The following PTPRD variants were observed in gnomAD, a reference collection of about 807,000 sequenced individuals.
PTPRD encodes receptor-type tyrosine-protein phosphatase delta.
Under a neutral mutation model 214.5 loss-of-function variants are expected in PTPRD, and 34 were observed. That is an observed-to-expected ratio of 0.16 (90% CI 0.12 to 0.21). PTPRD has a LOEUF of 0.21. PTPRD is among the 10% of genes least tolerant of loss of function. The pLI, the probability that PTPRD is intolerant of heterozygous loss-of-function variation, is 1.00. For missense variants in PTPRD, 2,545 were observed against 2,398.7 expected, an observed-to-expected ratio of 1.06 and a Z score of -1.27; for synonymous variants, 1,128 against 845.7, an observed-to-expected ratio of 1.33 and a Z score of -5.79.
At chr9:10,116,715 C>A (rs1324147286) in intron 3 of PTPRD, among the ~76,000 whole-genome samples, 1 of 152,068 alleles carries the variant, frequency 6.6e-6, no homozygotes, top group East Asian at 1.9e-4. Flanking sequence ...CACTGCACTC[C>A]TGAAAACCCT....
chr9:9,341,000 G>A (rs1188337589), intron 9 of PTPRD, among the ~76,000 whole-genome samples: 1 of 152,088 alleles, frequency 6.6e-6, no homozygotes, highest in Non-Finnish European at 1.5e-5. Flanking sequence ...AATGTGGTAT[G>A]TATACAAAAG....
intron 9 of PTPRD, among the ~76,000 whole-genome samples, chr9:9,364,197 T>C (rs1026393590): frequency 1.5e-4 from 23 of 151,410 alleles, no homozygotes; most frequent in African/African-American, 2.4e-5. Context: ...TTCTCTGTTG[T>C]GGAATTAGCT....
intron 5 of PTPRD, among the ~76,000 whole-genome samples, chr9:9,931,655 C>A (rs542351479): frequency 6.6e-6 from 1 of 151,314 alleles, no homozygotes; most frequent in African/African-American, 2.4e-5. Context: ...GGGGGAGGGG[C>A]GCCCACCATT....
chr9:8,415,929 A>G (rs1359130945), intron 35 of PTPRD, among the ~76,000 whole-genome samples: 1 of 152,106 alleles, frequency 6.6e-6, no homozygotes, highest in Non-Finnish European at 1.5e-5. Flanking sequence ...ATATCAAGGT[A>G]TTCTCAAGGT....
At chr9:9,151,940 G>C (rs2099877152) in intron 10 of PTPRD, among the ~76,000 whole-genome samples, 1 of 152,220 alleles carries the variant, frequency 6.6e-6, no homozygotes, top group African/African-American at 2.4e-5. Flanking sequence ...ACCTGTGAGA[G>C]TAACTTTTTC....
chr9:10,193,405 A>G (rs1195321476), intron 3 of PTPRD, among the ~76,000 whole-genome samples: 2 of 152,116 alleles, frequency 1.3e-5, no homozygotes, highest in African/African-American at 2.4e-5. Context: ...AGTAGGATCT[A>G]GTAAAGAAGT....
intron 2 of PTPRD, among the ~76,000 whole-genome samples, chr9:10,481,825 A>C (rs1319728198): frequency 1.3e-5 from 2 of 152,204 alleles, no homozygotes; most frequent in African/African-American, 4.8e-5. Context: ...GTGTAACTAC[A>C]TATATTTTCT....
Position 10,379,543 on chromosome 9 carries a change from A to C in PTPRD, c.-599-38526T>G, listed in dbSNP as rs996710444. Among the ~76,000 whole-genome samples the C allele has an allele frequency of 6.8e-4, 104 of 152,012 alleles. 2 individuals carry two copies. The highest frequency in any genetic ancestry group is 1.2e-4 in the Non-Finnish European group (8 of 67,966). ...CATATGAATTTTTCAACATCATGCA[A>C]ATACTCCAACATTTAAATATACTAT... On this transcript the variant is annotated intron_variant, in intron 2 of 45. Coordinates refer to ENST00000381196, the MANE Select transcript of PTPRD (RefSeq NM_002839.4).
chr9:8,759,644 C>G (rs1219413795), intron 11 of PTPRD, among the ~76,000 whole-genome samples: 1 of 136,900 alleles, frequency 7.3e-6, no homozygotes, highest in African/African-American at 3.0e-5. Flanking sequence ...CCTCATCAAT[C>G]TTCTTTTCCT....
chr9:9,673,519 G>A (rs1298082747), intron 7 of PTPRD, among the ~76,000 whole-genome samples: 2 of 151,610 alleles, frequency 1.3e-5, no homozygotes, highest in Non-Finnish European at 3.0e-5. Flanking sequence ...ATAGCAAACT[G>A]GGAAATATTT....
At chr9:8,928,916 A>T (rs936566907) in intron 11 of PTPRD, among the ~76,000 whole-genome samples, 13 of 152,066 alleles carry the variant, frequency 8.5e-5, no homozygotes, top group African/African-American at 3.1e-4. Context: ...CATCCCTCGT[A>T]AGTTGTATTC....
At chr9:9,201,895 C>T (rs1391434742) in intron 9 of PTPRD, among the ~76,000 whole-genome samples, 1 of 152,114 alleles carries the variant, frequency 6.6e-6, no homozygotes, top group Non-Finnish European at 1.5e-5. Context: ...CAGCAAAAAG[C>T]CCATAGTGAA....
intron 10 of PTPRD, among the ~76,000 whole-genome samples, chr9:9,106,811 C>T (rs1295380061): frequency 6.6e-6 from 1 of 151,992 alleles, no homozygotes; most frequent in African/African-American, 2.4e-5. Flanking sequence ...CCTTATCCAC[C>T]TCCATGGATT....
intron 3 of PTPRD, among the ~76,000 whole-genome samples, chr9:10,186,221 G>T (rs1180270030): frequency 6.6e-6 from 1 of 151,950 alleles, no homozygotes; most frequent in Admixed American, 6.5e-5. Flanking sequence ...CTCAACCTGA[G>T]AGTCAATTAT....
At chr9:10,598,135 A>C (rs1432205175) in intron 2 of PTPRD, among the ~76,000 whole-genome samples, 1 of 143,572 alleles carries the variant, frequency 7.0e-6, no homozygotes, top group African/African-American at 2.5e-5. Flanking sequence ...TAAATGTAGA[A>C]GATAAAACAT....
chr9:9,951,593 T>C (rs1354617713), intron 4 of PTPRD, among the ~76,000 whole-genome samples: 1 of 152,240 alleles, frequency 6.6e-6, no homozygotes, highest in Non-Finnish European at 1.5e-5. Context: ...TCCCCTTGCC[T>C]GGAGGGCATA....
intron 4 of PTPRD, among the ~76,000 whole-genome samples, chr9:9,941,061 TG>T (rs1327358105): frequency 1.3e-5 from 2 of 152,090 alleles, no homozygotes; most frequent in Non-Finnish European, 2.9e-5. Context: ...TAATGACAGC[TG>T]ATGAGAAAAA....
At chr9:10,348,995 C>G (rs925318778) in intron 2 of PTPRD, among the ~76,000 whole-genome samples, 1 of 152,022 alleles carries the variant, frequency 6.6e-6, no homozygotes, top group African/African-American at 2.4e-5. Flanking sequence ...TTTGCAGGTA[C>G]AGGGGACATA....
chr9:9,896,309 G>A (rs573297797), intron 5 of PTPRD, among the ~76,000 whole-genome samples: 12 of 152,148 alleles, frequency 7.9e-5, no homozygotes, highest in Admixed American at 5.3e-4. Flanking sequence ...AAAGAGTCAT[G>A]GACAAAGATT....
Sources: gnomAD v4.1 joint callset for allele counts (sites outside exome capture counted in the v4.1 genomes callset) on GRCh38, gnomAD v4.1.1 for gene constraint, MANE v1.5 for transcripts, NCBI Gene and HGNC (gene_info 2026-07-23, HGNC 2026-07-21) for gene names.